Variants in CCDC22 observed in about 807,000 individuals in gnomAD.
CCDC22 encodes the protein coiled-coil domain-containing protein 22.
A neutral mutation model predicts 53.1 loss-of-function variants in CCDC22; 4 were observed. The ratio of observed to expected loss-of-function variants is 0.08; its 90% CI spans 0.04 to 0.17. CCDC22 has a LOEUF of 0.17. Ranked by LOEUF, CCDC22 falls within the 10% of genes least tolerant of loss-of-function variation. The probability of loss-of-function intolerance (pLI) is 1.00; values close to 1 mark genes in which losing one functional copy is unlikely to be tolerated. For synonymous variants in CCDC22, 222 were observed against 224.4 expected (o/e 0.99, Z 0.10); for missense variants, 458 against 554.0 (o/e 0.83, Z 1.74).
At chrX:49,250,018 C>G (rs1291146527) in intron 16 of CCDC22, 130 bp from the exon 17 acceptor site, 4 of 481,606 alleles carry the variant, frequency 8.3e-6, no homozygotes, top group Non-Finnish European at 1.5e-5. Flanking sequence ...CACACGAGGC[C>G]TGGCCATGGG....
At chrX:49,247,444 G>C (rs970526378) in intron 7 of CCDC22, 52 bp from the exon 8 acceptor site, 1 of 1,118,201 alleles carries the variant, frequency 8.9e-7, no homozygotes, top group Non-Finnish European at 1.2e-6. Context: ...GCTGGGCCAC[G>C]TGAGGAAGGG....
chrX:49,238,302 A>G (rs1557113014), intron 2 of CCDC22, among the ~76,000 whole-genome samples: 1 of 109,999 alleles, frequency 9.1e-6, no homozygotes, highest in East Asian at 2.9e-4. Context: ...GCTGGTCTTG[A>G]ACTCCTGACC....
In CCDC22 at chrX:49,248,416, G is replaced by A. The variant is rs201781845; in HGVS notation, c.1222G>A (p.Glu408Lys). 59 of 1,208,632 alleles carry A rather than the reference G, an allele frequency of 4.9e-5. No homozygotes were observed. Among genetic ancestry groups the A allele is most frequent in the Non-Finnish European group, 6.0e-5 (54 of 894,784 alleles). The change falls in exon 11 of 17, where the codon GAG becomes AAG. Residue 408 changes from glutamate to lysine, a missense_variant. This residue lies in a region of CCDC22 where 309 missense variants were observed against 312.3 expected (regional missense o/e 0.99). Transcript: ENST00000376227. ...ANLAKLQLVV[E>K]NSAQRVIHLA... is the part of the protein sequence containing the mutation. Reference sequence around the variant, plus strand: ...ACCCATCCCCCACCAGCTTGTGGTGGAGAATAGTGCCCAGCGGGTCATCCA... The same window carrying A: ...ACCCATCCCCCACCAGCTTGTGGTGAAGAATAGTGCCCAGCGGGTCATCCA...
chrX:49,248,598 C>T, intron 11 of CCDC22, 35 bp from the exon 12 acceptor site: 2 of 1,203,524 alleles, frequency 1.7e-6, no homozygotes, highest in Non-Finnish European at 2.2e-6. Flanking sequence ...TCCCTATGCT[C>T]TGCTCACTGT....
At chrX:49,240,278 G>A (rs1250410487) in intron 2 of CCDC22, among the ~76,000 whole-genome samples, 1 of 101,100 alleles carries the variant, frequency 9.9e-6, no homozygotes, top group Non-Finnish European at 2.0e-5. Context: ...AAAAAAGACT[G>A]GGGACGGTGG....
At chrX:49,248,776 G>A in intron 12 of CCDC22, 41 bp from the exon 13 acceptor site, 1 of 1,206,768 alleles carries the variant, frequency 8.3e-7, no homozygotes, top group Non-Finnish European at 1.1e-6. Context: ...AGGAGGGTGG[G>A]GGGATGGTCC....
Position 49,248,660 on chromosome X carries a change from A to G in CCDC22, c.1357A>G (p.Ile453Val). ...ELESSRRLAE[I>V]QELHQSVRAA... Reference sequence around the variant, plus strand: ...GGAATCTTCTCGACGGCTGGCAGAGATCCAAGAACTGCACCAGAGTGTCCG... The same window carrying G: ...GGAATCTTCTCGACGGCTGGCAGAGGTCCAAGAACTGCACCAGAGTGTCCG... The change falls in exon 12 of 17, where the codon ATC becomes GTC. Residue 453 changes from isoleucine (I) to valine (V), a missense_variant. This residue lies in a region of CCDC22 where 309 missense variants were observed against 312.3 expected (regional missense o/e 0.99). Transcript: ENST00000376227. 8.3e-7 allele frequency: 1 copy of G among 1,210,188 alleles called. No homozygotes were observed. The highest frequency in any genetic ancestry group is 1.1e-6 in the Non-Finnish European group (1 of 895,036).
chrX:49,246,132 A>G (rs1557114141), intron 6 of CCDC22, among the ~76,000 whole-genome samples: 1 of 110,622 alleles, frequency 9.0e-6, no homozygotes, highest in Non-Finnish European at 1.9e-5. Context: ...TTACAGGAGC[A>G]CACTAAGTTT....
chrX:49,237,396 TTTTTCCTGCGGCTTAG>T, intron 2 of CCDC22, 133 bp downstream of exon 2: 2 of 605,842 alleles, frequency 3.3e-6, no homozygotes, highest in Non-Finnish European at 5.0e-6. Flanking sequence ...TCCTCTGTCA[TTTTTCCTGCGGCTTAG>T]TTTTCATTAG....
rs2065966338 is a variant in CCDC22 at position 49,242,106 on chromosome X, C to T, written c.319C>T (p.Arg107Cys). The change falls in exon 3 of 17, where the codon CGT (arginine) becomes TGT (cysteine). Residue 107 changes from arginine to cysteine, a missense_variant. By Grantham distance (180) the Arg-to-Cys change is radical. Transcript: ENST00000376227. Reference sequence around the variant, plus strand: ...AGACCTGCTTCTCTTCTTGGCTGAGCGTCTGCCCACCGATGCCTCTGAGGA... The same window carrying T: ...AGACCTGCTTCTCTTCTTGGCTGAGTGTCTGCCCACCGATGCCTCTGAGGA... ...LRDLLLFLAE[R>C]LPTDASEDAD... 9 of 1,209,819 alleles carry T rather than the reference C, an allele frequency of 7.4e-6. No homozygotes were observed. Among genetic ancestry groups the T allele is most frequent in the Non-Finnish European group, 6.7e-6 (6 of 894,850 alleles).
chrX:49,249,617 C>CG, intron 15 of CCDC22, 34 bp from the exon 16 acceptor site: 1 of 916,111 alleles, frequency 1.1e-6, no homozygotes, highest in Non-Finnish European at 1.5e-6. Context: ...GTGGGTGGGA[C>CG]TGGGTGCAAG....
chrX:49,241,965 C>G (rs199734362), intron 2 of CCDC22, 51 bp from the exon 3 acceptor site: 73 of 1,192,466 alleles, frequency 6.1e-5, no homozygotes, highest in Non-Finnish European at 7.6e-5. Context: ...CCAAGTCTCC[C>G]AGGGCAGGAG....
At chrX:49,235,716 A>G in intron 1 of CCDC22, 30 bp downstream of exon 1, 4 of 1,150,996 alleles carry the variant, frequency 3.5e-6, no homozygotes, top group Non-Finnish European at 4.7e-6. Context: ...CCACCCCCGA[A>G]GCCCACATCC....
At chrX:49,243,211 G>A (rs782486077) in intron 5 of CCDC22, 27 bp downstream of exon 5, 1 of 1,205,389 alleles carries the variant, frequency 8.3e-7, no homozygotes, top group Admixed American at 2.2e-5. Context: ...GGGGAGGGGT[G>A]AGGAGGAAGG....
At chrX:49,245,906 C>G (rs782274516) in intron 6 of CCDC22, among the ~76,000 whole-genome samples, 1 of 112,051 alleles carries the variant, frequency 8.9e-6, no homozygotes. Context: ...AACCACTGGA[C>G]CATTTTCATG....
At chrX:49,235,851 A>ACACACGCACG (rs71896590) in intron 1 of CCDC22, among the ~76,000 whole-genome samples, 165 bp downstream of exon 1, 1 of 100,427 alleles carries the variant, frequency 1.0e-5, no homozygotes, top group East Asian at 3.1e-4. Context: ...ACACACACAC[A>ACACACGCACG]CACACACACA....
intron 6 of CCDC22, among the ~76,000 whole-genome samples, chrX:49,244,168 C>T (rs1276383018): frequency 8.9e-6 from 1 of 111,914 alleles, no homozygotes; most frequent in African/African-American, 3.2e-5. Context: ...TCTGCCTGTC[C>T]CCATTATTCT....
Position 49,243,321 on chromosome X carries a change from A to C in CCDC22, c.573A>C (p.Pro191=), listed in dbSNP as rs782598913. ...REFQASPLLL[P]VPTQVPQPVG... Reference sequence around the variant, plus strand: ...TCCAGGCGAGTCCCCTGCTGCTTCCAGTCCCTACCCAGGTGCCTCAGCCTG... The same window carrying C: ...TCCAGGCGAGTCCCCTGCTGCTTCCCGTCCCTACCCAGGTGCCTCAGCCTG... Residue 191 remains proline (P), a synonymous_variant, in exon 6 of 17, where the codon CCA becomes CCC. Coordinates refer to ENST00000376227, the MANE Select transcript of CCDC22 (RefSeq NM_014008.5). 5.0e-5 allele frequency: 60 copies of C among 1,203,019 alleles called. 1 individual carries two copies. In the Admixed American group the frequency reaches 8.6e-4, roughly 17 times the overall value.
chrX:49,245,694 T>C (rs2065985887), intron 6 of CCDC22, among the ~76,000 whole-genome samples: 1 of 112,649 alleles, frequency 8.9e-6, no homozygotes, highest in Non-Finnish European at 1.9e-5. Context: ...TTTATATCTG[T>C]AGTAATTTTC....
Sources: allele counts gnomAD v4.1 joint callset (sites outside exome capture counted in the v4.1 genomes callset), GRCh38; gene constraint gnomAD v4.1.1; regional missense constraint gnomAD v4.1.1; transcripts MANE v1.5; gene names NCBI Gene and HGNC (gene_info 2026-07-23, HGNC 2026-07-21).